PDE4B: variants seen among roughly 807,000 people sequenced by gnomAD.
PDE4B encodes 3',5'-cyclic-AMP phosphodiesterase 4B.
Under a neutral mutation model 82.2 loss-of-function variants are expected in PDE4B, and 20 were observed. The ratio of observed to expected loss-of-function variants is 0.24; its 90% CI spans 0.17 to 0.35. The LOEUF (loss-of-function observed/expected upper bound fraction) is 0.35, where lower values mean the gene tolerates loss of function less well. Among genes scored for constraint, PDE4B ranks in the 10% least tolerant of loss-of-function variants. The pLI is 1.00. For missense variants in PDE4B, 655 were observed against 907.2 expected, an observed-to-expected ratio of 0.72 and a Z score of 3.57; for synonymous variants, 320 against 318.9, an observed-to-expected ratio of 1.00 and a Z score of -0.04.
At chr1:66,200,861 G>A (rs961373969) in intron 3 of PDE4B, among the ~76,000 whole-genome samples, 5 of 152,090 alleles carry the variant, frequency 3.3e-5, no homozygotes, top group Non-Finnish European at 7.4e-5. Context: ...TAATTGCCCT[G>A]GCCAGAACTT....
chr1:66,173,950 C>G (rs1261540938), intron 3 of PDE4B, among the ~76,000 whole-genome samples: 2 of 152,154 alleles, frequency 1.3e-5, no homozygotes, highest in African/African-American at 4.8e-5. Flanking sequence ...CCACACCTGG[C>G]TAATTTTCAT....
intron 1 of PDE4B, among the ~76,000 whole-genome samples, chr1:65,887,849 T>C (rs905791155): frequency 6.6e-6 from 1 of 152,176 alleles, no homozygotes; most frequent in Non-Finnish European, 1.5e-5. Context: ...TGGATATTAG[T>C]CTCTTATTAG....
At chr1:66,030,997 C>T (rs1244455540) in intron 3 of PDE4B, among the ~76,000 whole-genome samples, 1 of 152,122 alleles carries the variant, frequency 6.6e-6, no homozygotes. Flanking sequence ...GCTGAAGAAC[C>T]ATCTGTTGGA....
At chr1:66,154,117 C>T (rs1214716488) in intron 3 of PDE4B, among the ~76,000 whole-genome samples, 4 of 152,164 alleles carry the variant, frequency 2.6e-5, no homozygotes, top group African/African-American at 9.7e-5. Flanking sequence ...TCCCACCACA[C>T]AAAGGAGTTA....
chr1:65,811,440 C>T lies in PDE4B; in HGVS notation c.-71+18192C>T, dbSNP rs116499199. Among the ~76,000 whole-genome samples the T allele has an allele frequency of 3.4e-3, 520 of 152,318 alleles. 1 individual carries two copies. Among genetic ancestry groups the T allele is most frequent in the African/African-American group, 0.012 (495 of 41,584 alleles). On this transcript the variant is annotated intron_variant, in intron 1 of 16. Coordinates refer to ENST00000341517, the MANE Select transcript of PDE4B (RefSeq NM_002600.4). ...TACTTAATACCCAGCTGTGCTTTGACAGATGTTCATTAAGCAAATGACCCA... is the reference window on the plus strand; with the variant it reads ...TACTTAATACCCAGCTGTGCTTTGATAGATGTTCATTAAGCAAATGACCCA...
intron 3 of PDE4B, among the ~76,000 whole-genome samples, chr1:66,132,501 T>G (rs977654079): frequency 1.3e-5 from 2 of 152,180 alleles, no homozygotes; most frequent in Non-Finnish European, 2.9e-5. Flanking sequence ...TACAGGAACA[T>G]AATATAAATT....
intron 7 of PDE4B, chr1:66,332,076 C>T: frequency 8.9e-7 from 1 of 1,122,430 alleles, no homozygotes; most frequent in Non-Finnish European, 1.1e-6. Flanking sequence ...TTCCTCATTT[C>T]TCCTTGAGAT....
At chr1:66,354,646 T>G (rs764474672) in intron 8 of PDE4B, 30 of 1,390,272 alleles carry the variant, frequency 2.2e-5, no homozygotes, top group Non-Finnish European at 2.7e-5. Context: ...GAGCATAGGC[T>G]TCTTGCAAGA....
intron 3 of PDE4B, among the ~76,000 whole-genome samples, chr1:66,086,561 C>G (rs983733629): frequency 6.6e-6 from 1 of 152,136 alleles, no homozygotes; most frequent in Admixed American, 6.5e-5. Flanking sequence ...AAGTAAATAA[C>G]ATTTTACTTA....
chr1:66,011,038 T>C (rs1652456662), intron 3 of PDE4B, among the ~76,000 whole-genome samples: 1 of 151,794 alleles, frequency 6.6e-6, no homozygotes, highest in Non-Finnish European at 1.5e-5. Context: ...CTTTTGTCTA[T>C]TTTTTTCACT....
At chr1:65,896,472 C>T (rs1646911872) in intron 1 of PDE4B, among the ~76,000 whole-genome samples, 1 of 152,046 alleles carries the variant, frequency 6.6e-6, no homozygotes. Context: ...ATGGCCAAAC[C>T]ATATCAGTGT....
At chr1:66,280,772 C>T (rs1032207477) in intron 7 of PDE4B, among the ~76,000 whole-genome samples, 1 of 152,110 alleles carries the variant, frequency 6.6e-6, no homozygotes, top group African/African-American at 2.4e-5. Context: ...ATTGCACCTC[C>T]GTATTCCTAT....
chr1:65,902,060 G>A (rs1252504122), intron 1 of PDE4B, among the ~76,000 whole-genome samples: 4 of 151,972 alleles, frequency 2.6e-5, no homozygotes, highest in African/African-American at 7.2e-5. Context: ...TTATTCAGGA[G>A]CAAGTTGTTT....
intron 3 of PDE4B, among the ~76,000 whole-genome samples, chr1:65,973,262 C>T (rs1054673417): frequency 1.3e-5 from 2 of 152,010 alleles, no homozygotes; most frequent in African/African-American, 4.8e-5. Context: ...GGTACTCAAA[C>T]TCAGTGACTA....
At chr1:66,162,290 G>A (rs878875804) in intron 3 of PDE4B, among the ~76,000 whole-genome samples, 6 of 136,716 alleles carry the variant, frequency 4.4e-5, no homozygotes, top group Non-Finnish European at 7.8e-5. Flanking sequence ...TTGGTGGTAA[G>A]GTTCATGGAC....
intron 3 of PDE4B, among the ~76,000 whole-genome samples, chr1:66,110,789 A>G (rs10889603): frequency 0.093 from 14,101 of 152,140 alleles, 1,560 homozygotes; most frequent in African/African-American, 0.26. Context: ...TGTAAATATC[A>G]GTTATTTCTA....
chr1:65,936,058 A>G (rs966396233), intron 3 of PDE4B, among the ~76,000 whole-genome samples: 1 of 151,926 alleles, frequency 6.6e-6, no homozygotes, highest in Non-Finnish European at 1.5e-5. Flanking sequence ...TTTACGTTTT[A>G]AAGTTTTTTG....
rs774350325 is a variant in PDE4B at position 66,372,491 on chromosome 1, T to C, written c.2024T>C (p.Met675Thr). Residue 675 changes from methionine to threonine, a missense_variant, in exon 17 of 17, where the codon ATG becomes ACG. This residue lies in a region of PDE4B where 119 missense variants were observed against 115.2 expected (regional missense o/e 1.03). Transcript: ENST00000341517. ...CAGAACAGGGACTGCCAGGGTCTGA[T>C]GGAGAAGTTTCAGTTTGAACTGACT... ...DEQNRDCQGL[M>T]EKFQFELTLD... 1.2e-6 allele frequency: 2 copies of C among 1,614,174 alleles called. No individual in the cohort carries two copies. Among genetic ancestry groups the C allele is most frequent in the Non-Finnish European group, 1.7e-6 (2 of 1,180,008 alleles).
chr1:66,097,412 T>C (rs1645138643), intron 3 of PDE4B, among the ~76,000 whole-genome samples: 1 of 152,156 alleles, frequency 6.6e-6, no homozygotes, highest in South Asian at 2.1e-4. Flanking sequence ...TCTTCCTTGG[T>C]GAAATGTGTC....
Sources: gnomAD v4.1 joint callset for allele counts (sites outside exome capture counted in the v4.1 genomes callset) on GRCh38, gnomAD v4.1.1 for gene constraint, gnomAD v4.1.1 regional missense constraint, MANE v1.5 for transcripts, NCBI Gene and HGNC (gene_info 2026-07-23, HGNC 2026-07-21) for gene names.